TGFBR2: variants seen among roughly 807,000 people sequenced by gnomAD.
TGFBR2 encodes the protein TGF-beta receptor type-2.
Under a neutral mutation model 49.0 loss-of-function variants are expected in TGFBR2, and 18 were observed. The ratio of observed to expected loss-of-function variants is 0.37; its 90% CI spans 0.25 to 0.54. The LOEUF is 0.54. Among genes scored for constraint, TGFBR2 ranks in the 20% least tolerant of loss-of-function variants. The pLI is 0.85. For synonymous variants in TGFBR2, 282 were observed against 275.9 expected (o/e 1.02, Z -0.22); for missense variants, 525 against 722.6 (o/e 0.73, Z 3.13).
At chr3:30,636,733 CGT>C (rs3076736) in intron 1 of TGFBR2, among the ~76,000 whole-genome samples, 4,159 of 146,240 alleles carry the variant, frequency 0.028, 112 homozygotes, top group African/African-American at 0.071. Flanking sequence ...TGTGTGTGCA[CGT>C]GTGTGTGTGT....
intron 5 of TGFBR2, among the ~76,000 whole-genome samples, chr3:30,677,364 G>A (rs1699458503): frequency 6.6e-6 from 1 of 152,180 alleles, no homozygotes; most frequent in African/African-American, 2.4e-5. Context: ...AGAAGAGACA[G>A]CCCTGGGGAA....
intron 3 of TGFBR2, among the ~76,000 whole-genome samples, chr3:30,654,679 C>T (rs564149314): frequency 3.1e-4 from 47 of 152,270 alleles, no homozygotes; most frequent in African/African-American, 1.1e-3. Flanking sequence ...AGCTGTCAGT[C>T]AGACGAGACC....
chr3:30,637,042 T>C (rs1274803665), intron 1 of TGFBR2, among the ~76,000 whole-genome samples: 127 of 145,318 alleles, frequency 8.7e-4, no homozygotes, highest in Non-Finnish European at 6.7e-4. Context: ...CCAGCCTGGG[T>C]GACAGAGCAA....
At chr3:30,652,303 T>C (rs1698907548) in intron 3 of TGFBR2, among the ~76,000 whole-genome samples, 2 of 150,058 alleles carry the variant, frequency 1.3e-5, no homozygotes, top group Non-Finnish European at 3.0e-5. Flanking sequence ...GGCACGATCT[T>C]GGCTCACTGC....
At chr3:30,614,916 T>G (rs1323038613) in intron 1 of TGFBR2, among the ~76,000 whole-genome samples, 1 of 152,126 alleles carries the variant, frequency 6.6e-6, no homozygotes, top group Admixed American at 6.6e-5. Context: ...AGACTAGAGG[T>G]TAAGAGAAAT....
At chr3:30,640,342 C>T (rs1016389768) in intron 1 of TGFBR2, among the ~76,000 whole-genome samples, 1 of 152,082 alleles carries the variant, frequency 6.6e-6, no homozygotes, top group Non-Finnish European at 1.5e-5. Context: ...AGAAAATTCT[C>T]TAAAGATGGT....
At chr3:30,654,034 C>T (rs1698949010) in intron 3 of TGFBR2, among the ~76,000 whole-genome samples, 1 of 152,148 alleles carries the variant, frequency 6.6e-6, no homozygotes, top group South Asian at 2.1e-4. Flanking sequence ...TGAAGGTTTT[C>T]CTTTTTTCCT....
Position 30,693,757 on chromosome 3 carries a change from A to T in TGFBR2, c.*2158A>T, listed in dbSNP as rs1309497431. 9 of 233,454 alleles carry T rather than the reference A, an allele frequency of 3.9e-5. No homozygotes were observed. Among genetic ancestry groups the T allele is most frequent in the Non-Finnish European group, 8.5e-6 (1 of 117,914 alleles). The allele number at this position is 233,454 out of a possible 1,614,324, so 14.5% of individuals were successfully genotyped here. A position where few individuals can be genotyped will look rare whatever the true frequency, so the allele number is the denominator to read the frequency against. On this transcript the variant is annotated 3_prime_UTR_variant, in exon 7 of 7. Coordinates refer to ENST00000295754, the MANE Select transcript of TGFBR2 (RefSeq NM_003242.6). ...CTGGTCCATTCATGAGATATTCAAGATTCAAGAGTATTCTCACTTCTGGGT... is the reference window on the plus strand; with the variant it reads ...CTGGTCCATTCATGAGATATTCAAGTTTCAAGAGTATTCTCACTTCTGGGT...
At chr3:30,609,483 A>G (rs1224944470) in intron 1 of TGFBR2, among the ~76,000 whole-genome samples, 1 of 152,204 alleles carries the variant, frequency 6.6e-6, no homozygotes, top group Non-Finnish European at 1.5e-5. Flanking sequence ...GTTTAGTAGT[A>G]TGCAAAGGAT....
intron 5 of TGFBR2, among the ~76,000 whole-genome samples, chr3:30,680,327 G>C (rs1699518298): frequency 6.6e-6 from 1 of 152,154 alleles, no homozygotes; most frequent in Non-Finnish European, 1.5e-5. Context: ...CTGTTAATTT[G>C]TGTAGCAGGT....
At chr3:30,662,809 C>G (rs1699159221) in intron 3 of TGFBR2, among the ~76,000 whole-genome samples, 1 of 152,144 alleles carries the variant, frequency 6.6e-6, no homozygotes, top group Non-Finnish European at 1.5e-5. Flanking sequence ...AACAATTCCA[C>G]TAAGAAATTT....
chr3:30,627,171 G>A (rs7355815), intron 1 of TGFBR2, among the ~76,000 whole-genome samples: 1,679 of 152,220 alleles, frequency 0.011, 29 homozygotes, highest in African/African-American at 0.037. Context: ...TCCAGACCTC[G>A]TTCCGCACAC....
chr3:30,689,507 A>G (rs1164342769), intron 6 of TGFBR2, among the ~76,000 whole-genome samples: 1 of 152,238 alleles, frequency 6.6e-6, no homozygotes, highest in African/African-American at 2.4e-5. Context: ...AACAGAAACA[A>G]CAAATCAGGC....
chr3:30,670,619 A>G (rs962929941), intron 3 of TGFBR2, among the ~76,000 whole-genome samples: 2 of 152,214 alleles, frequency 1.3e-5, no homozygotes, highest in Non-Finnish European at 2.9e-5. Flanking sequence ...CTTCTTCCAA[A>G]AAGGAAAACT....
chr3:30,630,092 G>C (rs17025788), intron 1 of TGFBR2, among the ~76,000 whole-genome samples: 7,320 of 152,170 alleles, frequency 0.048, 351 homozygotes, highest in East Asian at 0.26. Flanking sequence ...GAAATTGAGC[G>C]AGTTCACAAC....
chr3:30,671,289 T>C (rs996336141), intron 3 of TGFBR2, among the ~76,000 whole-genome samples: 7 of 151,748 alleles, frequency 4.6e-5, no homozygotes, highest in African/African-American at 1.7e-4. Flanking sequence ...AGAGGTAGAG[T>C]CATAGTTCAT....
chr3:30,673,167 C>T (rs111377084), intron 4 of TGFBR2, among the ~76,000 whole-genome samples: 36 of 152,278 alleles, frequency 2.4e-4, no homozygotes, highest in African/African-American at 8.4e-4. Flanking sequence ...GCCCTGTGTC[C>T]ATGGCAGCGC....
intron 1 of TGFBR2, among the ~76,000 whole-genome samples, chr3:30,624,631 AG>A (rs1330103453): frequency 5.9e-5 from 9 of 152,082 alleles, no homozygotes; most frequent in African/African-American, 2.2e-4. Flanking sequence ...AAAAAAAAAA[AG>A]AATCACTTTG....
At position 30,674,227 on chromosome 3, in the gene TGFBR2, T is replaced by A. The variant is rs2125439361; in HGVS notation, c.1377T>A (p.Ser459=). ...CTCTGGTGCTCTGGGAAATGACATC[T>A]CGCTGTAATGCAGTGGGAGGTAGGT... ...SMALVLWEMT[S]RCNAVGEVKD... The change falls in exon 5 of 7, where the codon TCT becomes TCA. Residue 459 remains serine, a synonymous_variant. Transcript: ENST00000295754. 6.2e-7 allele frequency: 1 copy of A among 1,614,172 alleles called. No individual in the cohort carries two copies. The highest frequency in any genetic ancestry group is 8.5e-7 in the Non-Finnish European group (1 of 1,180,010).
Sources: allele counts gnomAD v4.1 joint callset (sites outside exome capture counted in the v4.1 genomes callset), GRCh38; gene constraint gnomAD v4.1.1; transcripts MANE v1.5; gene names NCBI Gene and HGNC (gene_info 2026-07-23, HGNC 2026-07-21).